Variants in SLC38A10 observed in about 807,000 individuals in gnomAD.
SLC38A10 encodes Sodium-coupled neutral amino acid transporter 10.
A neutral mutation model predicts 81.0 loss-of-function variants in SLC38A10; 53 were observed. The observed-to-expected ratio is 0.65, with a 90% confidence interval of 0.53 to 0.82. The LOEUF (loss-of-function observed/expected upper bound fraction) is 0.82, where lower values mean the gene tolerates loss of function less well. Ranked by LOEUF, SLC38A10 falls within the 40% of genes least tolerant of loss-of-function variation. The probability of loss-of-function intolerance (pLI) is 0.00; values close to 1 mark genes in which losing one functional copy is unlikely to be tolerated. For synonymous variants in SLC38A10, 665 were observed against 655.3 expected (o/e 1.01, Z -0.23); for missense variants, 1,471 against 1,545.0 (o/e 0.95, Z 0.80).
chr17:81,266,081 G>A (rs2063067798), intron 10 of SLC38A10, among the ~76,000 whole-genome samples: 1 of 152,196 alleles, frequency 6.6e-6, no homozygotes, highest in African/African-American at 2.4e-5. Context: ...GTAAACACTA[G>A]AAGCCATCCC....
rs577598310 is a variant in SLC38A10 at position 81,266,395 on chromosome 17, G to A, written c.1131+4523C>T. On this transcript the variant is annotated intron_variant, in intron 10 of 15. Coordinates refer to ENST00000374759, the MANE Select transcript of SLC38A10 (RefSeq NM_001037984.3). ...AGCACTTTGGGAGGCCGAGGCGGGC[G>A]GATCATGAGGTCAGGAGATCGAGAC... 7.9e-5 allele frequency among the ~76,000 whole-genome samples: 12 copies of A among 152,214 alleles called. No homozygotes were observed. The East Asian group carries it at 1.9e-3, about 25-fold the overall frequency.
intron 11 of SLC38A10, among the ~76,000 whole-genome samples, chr17:81,254,813 C>A (rs186516510): frequency 6.6e-6 from 1 of 152,350 alleles, no homozygotes; most frequent in African/African-American, 2.4e-5. Flanking sequence ...GTCTCCATCA[C>A]ACGATTAGGC....
rs771260034 is a variant in SLC38A10, at chr17:81,277,097, C to T, written c.663G>A (p.Pro221=). ...VLPTYDSLDE[P]SVKTMSSIFA... is the part of the protein sequence containing the mutation. Reference sequence around the variant, plus strand: ...ATATGGAGCTCATGGTTTTCACTGACGGCTCATCCAGGCTGTCGTAGGTGG... The same window carrying T: ...ATATGGAGCTCATGGTTTTCACTGATGGCTCATCCAGGCTGTCGTAGGTGG... The change falls in exon 7 of 16, where the codon CCG becomes CCA. Residue 221 remains proline (P), a synonymous_variant. Coordinates refer to ENST00000374759, the MANE Select transcript of SLC38A10 (RefSeq NM_001037984.3). This position sits in a 1 kb window ranked among gnomAD's most constrained non-coding sequence, Gnocchi z 4.5. 5.0e-6 allele frequency: 8 copies of T among 1,614,028 alleles called. No individual in the cohort carries two copies. Among genetic ancestry groups the T allele is most frequent in the Non-Finnish European group, 6.8e-6 (8 of 1,179,954 alleles).
At chr17:81,257,472 T>C (rs56191896) in intron 11 of SLC38A10, among the ~76,000 whole-genome samples, 16,327 of 152,228 alleles carry the variant, frequency 0.11, 1,874 homozygotes, top group African/African-American at 0.29. Flanking sequence ...CATGTTTCTG[T>C]TGCTGTCCTG....
In SLC38A10 at chr17:81,245,997, C is replaced by T; in HGVS notation, c.2919G>A (p.Gln973=). ...VISDGEQGGQ[Q]GHRLDHGGHL... is the part of the protein sequence containing the mutation. ...GACCGCCATGGTCCAGCCGGTGGCC[C>T]TGCTGTCCACCCTGCTCGCCATCAG... The change falls in exon 16 of 16, where the codon CAG becomes CAA. Residue 973 remains glutamine, a synonymous_variant. Coordinates refer to ENST00000374759, the MANE Select transcript of SLC38A10 (RefSeq NM_001037984.3). The T allele has an allele frequency of 6.2e-7, 1 of 1,606,030 alleles. No homozygotes were observed. The highest frequency in any genetic ancestry group is 1.3e-5 in the African/African-American group (1 of 74,968).
At position 81,276,054 on chromosome 17, in the gene SLC38A10, C is replaced by T. The variant is rs1249815310; in HGVS notation, c.827G>A (p.Gly276Asp). The T allele has an allele frequency of 1.2e-6, 2 of 1,613,994 alleles. No homozygotes were observed. The highest frequency in any genetic ancestry group is 1.7e-6 in the Non-Finnish European group (2 of 1,180,018). The change falls in exon 8 of 16, where the codon GGC (glycine) becomes GAC (aspartate). Residue 276 changes from glycine to aspartate, a missense_variant. Gly to Asp is a moderately conservative substitution (Grantham distance 94). This residue lies in a region of SLC38A10 where 720 missense variants were observed against 827.7 expected (regional missense o/e 0.87). Transcript: ENST00000374759. This position sits in a 1 kb window ranked among gnomAD's most constrained non-coding sequence, Gnocchi z 4.7. Reference protein sequence around the residue: ...SNLVTEMLRVGFMMSVAVGFP... With the variant: ...SNLVTEMLRVDFMMSVAVGFP... ...GCCCACAGCCACTGACATCATGAAG[C>T]CCACACGGAGCATCTCCGTCACCAG...
intron 15 of SLC38A10, 44 bp from the exon 16 acceptor site, chr17:81,246,717 C>G: frequency 6.7e-7 from 1 of 1,502,760 alleles, no homozygotes; most frequent in Non-Finnish European, 8.9e-7. Context: ...GCACTGTACA[C>G]AGGCTGCCAG....
chr17:81,274,254 G>C (rs1567940004), intron 8 of SLC38A10, among the ~76,000 whole-genome samples: 1 of 152,224 alleles, frequency 6.6e-6, no homozygotes, highest in African/African-American at 2.4e-5. Context: ...ACCAGCACGT[G>C]GGGGAGGCAC....
chr17:81,270,612 G>T lies in SLC38A10; in HGVS notation c.1131+306C>A, dbSNP rs935891848. Among the ~76,000 whole-genome samples, 1 of 152,194 alleles carries T rather than the reference G, an allele frequency of 6.6e-6. No individual in the cohort carries two copies. Among genetic ancestry groups the T allele is most frequent in the Non-Finnish European group, 1.5e-5 (1 of 68,026 alleles). On this transcript the variant is annotated intron_variant, in intron 10 of 15. Coordinates refer to ENST00000374759, the MANE Select transcript of SLC38A10 (RefSeq NM_001037984.3). The surrounding 1 kb of genome is among the most constrained non-coding windows in gnomAD (Gnocchi z 4.0). ...GGGAGGGGACTCAGAGGTGGCAGCA[G>T]GTCCATGGGCAATCAGGCATCGCAG...
rs2063157842 is a variant in SLC38A10, at chr17:81,275,997, G to A, written c.884C>T (p.Ala295Val). 6.2e-7 allele frequency: 1 copy of A among 1,613,672 alleles called. No individual in the cohort carries two copies. Among genetic ancestry groups the A allele is most frequent in the Non-Finnish European group, 8.5e-7 (1 of 1,179,994 alleles). Residue 295 changes from alanine (A) to valine (V), a missense_variant, in exon 8 of 16, where the codon GCC becomes GTC. This residue lies in a region of SLC38A10 where 720 missense variants were observed against 827.7 expected (regional missense o/e 0.87). Coordinates refer to ENST00000374759, the MANE Select transcript of SLC38A10 (RefSeq NM_001037984.3). The stretch of plus-strand genomic sequence containing the variant: ...CTGCTCACACAGCAGCGTGCTCAGG[G>A]CCTGCCTGCATGGCAGGATCATCAT... ...FPMMILPCRQ[A>V]LSTLLCEQQQ... is the part of the protein sequence containing the mutation.
intron 11 of SLC38A10, among the ~76,000 whole-genome samples, chr17:81,258,307 G>A (rs562107039): frequency 1.3e-5 from 2 of 152,186 alleles, no homozygotes; most frequent in Non-Finnish European, 2.9e-5. Context: ...CATCTATCAC[G>A]GGGGAGCCGG....
At chr17:81,290,611 T>C (rs951240522) in intron 1 of SLC38A10, among the ~76,000 whole-genome samples, 1 of 152,142 alleles carries the variant, frequency 6.6e-6, no homozygotes, top group Admixed American at 6.5e-5. Flanking sequence ...GTGTGGAGAT[T>C]TGGCTGATGA....
intron 1 of SLC38A10, among the ~76,000 whole-genome samples, chr17:81,294,437 T>TCA (rs2063332392): frequency 6.6e-6 from 1 of 151,898 alleles, no homozygotes; most frequent in Non-Finnish European, 1.5e-5. Flanking sequence ...CTGGGAGTGG[T>TCA]GAGTTGTGTG....
chr17:81,283,541 C>G lies in SLC38A10; in HGVS notation c.264-39G>C, dbSNP rs199743380. Reference sequence around the variant, plus strand: ...GGGGGTACGGGAAATGCCATCAGGGCAAGCTGGCACACACCTGGGCTGCCG... The same window carrying G: ...GGGGGTACGGGAAATGCCATCAGGGGAAGCTGGCACACACCTGGGCTGCCG... On this transcript the variant is annotated intron_variant, in intron 3 of 15. Coordinates refer to ENST00000374759, the MANE Select transcript of SLC38A10 (RefSeq NM_001037984.3). This position sits in a 1 kb window ranked among gnomAD's most constrained non-coding sequence, Gnocchi z 4.7. The G allele has an allele frequency of 6.5e-7, 1 of 1,541,160 alleles. No homozygotes were observed. Among genetic ancestry groups the G allele is most frequent in the Non-Finnish European group, 8.9e-7 (1 of 1,125,960 alleles).
chr17:81,270,984 G>C lies in SLC38A10; in HGVS notation c.1065C>G (p.Ser355Arg). The C allele has an allele frequency of 6.2e-7, 1 of 1,613,666 alleles. No individual in the cohort carries two copies. The highest frequency in any genetic ancestry group is 8.5e-7 in the Non-Finnish European group (1 of 1,180,018). Residue 355 changes from serine (S) to arginine (R), a missense_variant, in exon 10 of 16, where the codon AGC (serine) becomes AGG (arginine). Physicochemically the swap from Ser to Arg is moderately radical, Grantham distance 110 (BLOSUM62 -1). Coordinates refer to ENST00000374759, the MANE Select transcript of SLC38A10 (RefSeq NM_001037984.3). The surrounding 1 kb of genome is among the most constrained non-coding windows in gnomAD (Gnocchi z 4.0). Reference protein sequence around the residue: ...ILGLTGATMGSLICFICPALI... With the variant: ...ILGLTGATMGRLICFICPALI... The stretch of plus-strand genomic sequence containing the variant: ...GCGCCGGGCAGATGAAGCAGATGAG[G>C]CTTCCCATGGTCGCTCCTGTGAGGC...
Position 81,252,703 on chromosome 17 carries a change from A to T in SLC38A10, c.1457-20T>A, listed in dbSNP as rs767288911. The T allele has an allele frequency of 3.8e-6, 6 of 1,574,486 alleles. No homozygotes were observed. Among genetic ancestry groups the T allele is most frequent in the Non-Finnish European group, 3.4e-6 (4 of 1,167,654 alleles). Reference sequence around the variant, plus strand: ...CAATCCCTGCAAGGGCACGGGGGACAGATGGGGTCAGGCTGAGGCCCCTCC... The same window carrying T: ...CAATCCCTGCAAGGGCACGGGGGACTGATGGGGTCAGGCTGAGGCCCCTCC... On this transcript the variant is annotated intron_variant, in intron 12 of 15. Coordinates refer to ENST00000374759, the MANE Select transcript of SLC38A10 (RefSeq NM_001037984.3).
In SLC38A10 at chr17:81,277,221, G is replaced by T; in HGVS notation, c.627-88C>A. On this transcript the variant is annotated intron_variant, in intron 6 of 15. Transcript: ENST00000374759. This position sits in a 1 kb window ranked among gnomAD's most constrained non-coding sequence, Gnocchi z 4.5. ...ACTTCTAGGACCTCTCTGCAGCCCA[G>T]TGAGAGTCTCTGACCTTCCTTCATG... 8.6e-7 allele frequency: 1 copy of T among 1,161,694 alleles called. No homozygotes were observed. The highest frequency in any genetic ancestry group is 1.3e-6 in the Non-Finnish European group (1 of 786,476). The allele number at this position is 1,161,694 out of a possible 1,614,324, so 72.0% of individuals were successfully genotyped here. A position where few individuals can be genotyped will look rare whatever the true frequency, so the allele number is the denominator to read the frequency against.
intron 8 of SLC38A10, 88 bp from the exon 9 acceptor site, chr17:81,272,715 GCACA>G: frequency 2.3e-6 from 2 of 852,968 alleles, no homozygotes; most frequent in Non-Finnish European, 3.5e-6. Context: ...GCTCTGCCAG[GCACA>G]CCAGGCACAT....
intron 14 of SLC38A10, among the ~76,000 whole-genome samples, chr17:81,248,627 C>T (rs570837625): frequency 2.6e-5 from 4 of 152,222 alleles, no homozygotes; most frequent in South Asian, 4.1e-4. Flanking sequence ...AATCCAGGAG[C>T]GAGAAGGATG....
Sources: allele counts gnomAD v4.1 joint callset (sites outside exome capture counted in the v4.1 genomes callset), GRCh38; gene constraint gnomAD v4.1.1; regional missense constraint gnomAD v4.1.1; non-coding constraint Gnocchi (gnomAD v3.1); transcripts MANE v1.5; gene names NCBI Gene and HGNC (gene_info 2026-07-23, HGNC 2026-07-21).